Variants in CTNNA3 observed in about 807,000 individuals in gnomAD.
The protein encoded by CTNNA3 is catenin alpha 3, also known as catenin alpha-3.
In CTNNA3, 76 loss-of-function variants were observed where a neutral mutation model predicts 95.7. The observed-to-expected ratio is 0.79, with a 90% CI of 0.66 to 0.96. The LOEUF is 0.96. Ranked by LOEUF, CTNNA3 falls within the 40% of genes least tolerant of loss-of-function variation. CTNNA3 has a pLI of 0.00. For synonymous variants in CTNNA3, 431 were observed against 374.4 expected (o/e 1.15, Z -1.74); for missense variants, 1,191 against 1,089.8 (o/e 1.09, Z -1.31).
chr10:67,728,018 A>G (rs1002231613), intron 1 of CTNNA3, among the ~76,000 whole-genome samples: 32 of 140,590 alleles, frequency 2.3e-4, no homozygotes, highest in Non-Finnish European at 3.8e-4. Flanking sequence ...ATTATATATC[A>G]TATATTATAT....
intron 13 of CTNNA3, among the ~76,000 whole-genome samples, chr10:66,181,840 C>T (rs1022959502): frequency 6.6e-6 from 1 of 152,222 alleles, no homozygotes; most frequent in Non-Finnish European, 1.5e-5. Flanking sequence ...TACATTAAAG[C>T]CATTTAAATA....
At chr10:66,199,961 C>G (rs1482753451) in intron 13 of CTNNA3, among the ~76,000 whole-genome samples, 1 of 149,320 alleles carries the variant, frequency 6.7e-6, no homozygotes, top group Non-Finnish European at 1.5e-5. Context: ...CAATAGTTAT[C>G]TTTTTAACTA....
intron 1 of CTNNA3, among the ~76,000 whole-genome samples, chr10:67,739,464 G>A (rs1276514145): frequency 6.6e-6 from 1 of 152,060 alleles, no homozygotes; most frequent in Non-Finnish European, 1.5e-5. Context: ...CAAAGTCTCA[G>A]GATACAAAAT....
intron 1 of CTNNA3, among the ~76,000 whole-genome samples, chr10:67,657,012 C>A (rs2133510628): frequency 6.6e-6 from 1 of 152,222 alleles, no homozygotes; most frequent in East Asian, 1.9e-4. Context: ...CCCATAGTAA[C>A]CTAGATGAGA....
chr10:67,633,258 G>A (rs954853329), intron 2 of CTNNA3, among the ~76,000 whole-genome samples: 19 of 151,990 alleles, frequency 1.3e-4, no homozygotes, highest in Non-Finnish European at 2.8e-4. Flanking sequence ...TCAGGAGGAG[G>A]GGTTGCCACA....
At chr10:66,897,995 AG>A (rs1330161970) in intron 7 of CTNNA3, among the ~76,000 whole-genome samples, 3 of 152,184 alleles carry the variant, frequency 2.0e-5, no homozygotes, top group Non-Finnish European at 4.4e-5. Context: ...TTGTCCTACC[AG>A]AAAGTGAAAA....
intron 12 of CTNNA3, among the ~76,000 whole-genome samples, chr10:66,304,414 G>A (rs751126038): frequency 6.6e-5 from 10 of 152,042 alleles, no homozygotes; most frequent in Non-Finnish European, 1.2e-4. Context: ...GAAAGCTTTT[G>A]CAACAGATGC....
chr10:66,340,633 T>C (rs1216965734), intron 12 of CTNNA3, among the ~76,000 whole-genome samples: 1 of 151,822 alleles, frequency 6.6e-6, no homozygotes, highest in Non-Finnish European at 1.5e-5. Flanking sequence ...TAATTATGGT[T>C]ATTCATATTT....
chr10:67,727,343 TTA>T lies in CTNNA3; in HGVS notation c.-2+36089_-2+36090del, dbSNP rs527431184. Among the ~76,000 whole-genome samples the T allele has an allele frequency of 9.6e-3, 1,275 of 132,798 alleles. 21 individuals are homozygous for T. Among genetic ancestry groups the T allele is most frequent in the African/African-American group, 0.033 (1,221 of 36,548 alleles). The allele number at this position is 132,798 out of a possible 152,430, so 87.1% of individuals were successfully genotyped here. A position where few individuals can be genotyped will look rare whatever the true frequency, so the allele number is the denominator to read the frequency against. On this transcript the variant is annotated intron_variant, in intron 1 of 17. Coordinates refer to the CTNNA3 transcript ENST00000684154. Reference sequence around the variant, plus strand: ...TTATATATTTATATATTATTGTATATTATATATATCATATACATATATGTATA... The same window carrying T: ...TTATATATTTATATATTATTGTATATTATATATCATATACATATATGTATA...
chr10:67,112,076 A>G (rs1456279684), intron 7 of CTNNA3, among the ~76,000 whole-genome samples: 2 of 152,254 alleles, frequency 1.3e-5, no homozygotes, highest in Non-Finnish European at 2.9e-5. Context: ...CGTTGAATAG[A>G]TGTTGTCGTC....
intron 5 of CTNNA3, among the ~76,000 whole-genome samples, chr10:67,515,693 C>T (rs993292403): frequency 2.6e-5 from 4 of 152,168 alleles, no homozygotes; most frequent in Non-Finnish European, 4.4e-5. Context: ...CCTTGGTTCA[C>T]TTACCCTTAA....
At chr10:67,501,435 T>C (rs1452818115) in intron 5 of CTNNA3, among the ~76,000 whole-genome samples, 1 of 152,178 alleles carries the variant, frequency 6.6e-6, no homozygotes, top group Admixed American at 6.5e-5. Flanking sequence ...CTGATGATTA[T>C]GTGTCTTGGG....
At chr10:67,575,431 A>G (rs779422730) in intron 3 of CTNNA3, among the ~76,000 whole-genome samples, 2 of 152,170 alleles carry the variant, frequency 1.3e-5, no homozygotes, top group Admixed American at 1.3e-4. Context: ...GCCATAAAAC[A>G]GCTTTTCTCT....
chr10:66,935,317 A>AAAT (rs1481239859), intron 7 of CTNNA3, among the ~76,000 whole-genome samples: 1 of 152,118 alleles, frequency 6.6e-6, no homozygotes, highest in Non-Finnish European at 1.5e-5. Context: ...ACAACAGTGA[A>AAAT]AATAGTTATA....
Position 67,412,819 on chromosome 10 carries a change from G to A in CTNNA3, c.579+109023C>T, listed in dbSNP as rs1035181117. Among the ~76,000 whole-genome samples the A allele has an allele frequency of 6.4e-4, 98 of 152,078 alleles. 2 individuals carry two copies. The highest frequency in any genetic ancestry group is 6.1e-3 in the Admixed American group (93 of 15,260). Reference sequence around the variant, plus strand: ...TGACAAGCAAATGCTGAGGGAATACGTTTAAACTAGAGTAGCCTTACAAGA... The same window carrying A: ...TGACAAGCAAATGCTGAGGGAATACATTTAAACTAGAGTAGCCTTACAAGA... On this transcript the variant is annotated intron_variant, in intron 5 of 17. Transcript: ENST00000433211.
intron 9 of CTNNA3, among the ~76,000 whole-genome samples, chr10:66,637,808 G>T (rs1845386833): frequency 1.3e-5 from 2 of 152,168 alleles, no homozygotes; most frequent in Non-Finnish European, 2.9e-5. Flanking sequence ...CATCACAGAA[G>T]TTAGAGTCCT....
At chr10:66,449,645 G>C (rs1006186305) in intron 11 of CTNNA3, among the ~76,000 whole-genome samples, 1 of 151,932 alleles carries the variant, frequency 6.6e-6, no homozygotes, top group African/African-American at 2.4e-5. Flanking sequence ...TTCAGCAAAA[G>C]GTAGTAACTA....
intron 7 of CTNNA3, among the ~76,000 whole-genome samples, chr10:66,858,459 AGTTTT>A (rs1843770637): frequency 1.3e-5 from 2 of 152,026 alleles, no homozygotes; most frequent in African/African-American, 4.8e-5. Context: ...ATTTTGGAAC[AGTTTT>A]AGTAGGAATA....
chr10:66,926,680 A>G, intron 7 of CTNNA3: 2 of 1,415,340 alleles, frequency 1.4e-6, no homozygotes, highest in Non-Finnish European at 9.9e-7. Context: ...TATTTTAGAG[A>G]TTACCTTGCT....
Sources: gnomAD v4.1 joint callset for allele counts (sites outside exome capture counted in the v4.1 genomes callset) on GRCh38, gnomAD v4.1.1 for gene constraint, MANE v1.5 for transcripts, NCBI Gene and HGNC (gene_info 2026-07-23, HGNC 2026-07-21) for gene names.